The following C12orf42 variants were observed in gnomAD, a reference collection of about 807,000 sequenced individuals.
C12orf42 encodes uncharacterized protein C12orf42.
C12orf42 carries 25 observed loss-of-function variants against 21.6 expected under a neutral mutation model. That is an observed-to-expected ratio of 1.16 (90% CI 0.84 to 1.62). The LOEUF is 1.62. C12orf42 is among the 40% of genes most tolerant of loss of function. The pLI is 0.00. For missense variants in C12orf42, 483 were observed against 459.3 expected, an observed-to-expected ratio of 1.05 and a Z score of -0.47; for synonymous variants, 174 against 175.0, an observed-to-expected ratio of 0.99 and a Z score of 0.05.
At chr12:103,184,687 A>G in the C12orf42 span, among the ~76,000 whole-genome samples, 4 of 150,018 alleles carry the variant, frequency 2.7e-5, no homozygotes, top group Non-Finnish European at 5.9e-5. Context: ...TACACAAAAC[A>G]TAAGTACTAT....
chr12:103,118,160 T>C, the C12orf42 span, among the ~76,000 whole-genome samples: 2 of 152,172 alleles, frequency 1.3e-5, no homozygotes, highest in Non-Finnish European at 2.9e-5. Flanking sequence ...ACTACAATGA[T>C]CCTGTATGTG....
At chr12:103,206,438 T>C in the C12orf42 span, among the ~76,000 whole-genome samples, 2 of 152,122 alleles carry the variant, frequency 1.3e-5, no homozygotes, top group African/African-American at 4.8e-5. Context: ...TCCTGGAATA[T>C]TGGCAATGTT....
chr12:103,532,207 T>G, the C12orf42 span, among the ~76,000 whole-genome samples: 1 of 152,186 alleles, frequency 6.6e-6, no homozygotes, highest in African/African-American at 2.4e-5. Context: ...CCCTACACCC[T>G]GGGTATAAAA....
the C12orf42 span, among the ~76,000 whole-genome samples, chr12:103,528,233 G>T: frequency 2.0e-5 from 3 of 152,168 alleles, no homozygotes; most frequent in Non-Finnish European, 4.4e-5. Flanking sequence ...AGGAAGAGAA[G>T]ATGAAGACAT....
At chr12:103,118,666 T>C in the C12orf42 span, among the ~76,000 whole-genome samples, 1 of 143,914 alleles carries the variant, frequency 6.9e-6, no homozygotes, top group East Asian at 2.1e-4. Flanking sequence ...GGCGTGGTGG[T>C]GGGCGCCTGT....
the C12orf42 span, among the ~76,000 whole-genome samples, chr12:103,555,765 C>T: frequency 6.6e-6 from 1 of 151,818 alleles, no homozygotes; most frequent in Non-Finnish European, 1.5e-5. Flanking sequence ...AGAATTATAC[C>T]TCCAGAGAGC....
chr12:103,063,172 C>T, the C12orf42 span, among the ~76,000 whole-genome samples: 91 of 152,154 alleles, frequency 6.0e-4, no homozygotes, highest in South Asian at 2.5e-3. Context: ...GACAAAGTGA[C>T]GAAAGAAAAT....
chr12:103,182,667 T>C, the C12orf42 span, among the ~76,000 whole-genome samples: 1 of 152,234 alleles, frequency 6.6e-6, no homozygotes, highest in South Asian at 2.1e-4. Flanking sequence ...TCATATAAAT[T>C]TTTATTGAGA....
At chr12:103,334,016 C>T (rs2041471382) in intron 4 of C12orf42, among the ~76,000 whole-genome samples, 1 of 152,200 alleles carries the variant, frequency 6.6e-6, no homozygotes, top group African/African-American at 2.4e-5. Context: ...TGAGTGTGAA[C>T]AATTTTAGCT....
At chr12:103,325,590 G>A (rs947943218) in intron 4 of C12orf42, among the ~76,000 whole-genome samples, 1 of 152,156 alleles carries the variant, frequency 6.6e-6, no homozygotes, top group African/African-American at 2.4e-5. Context: ...AGCTGCCTTG[G>A]GACAAAGTTC....
intron 2 of C12orf42, among the ~76,000 whole-genome samples, chr12:103,415,035 A>G (rs1258457057): frequency 6.6e-6 from 1 of 152,114 alleles, no homozygotes; most frequent in African/African-American, 2.4e-5. Context: ...CTTACATGTA[A>G]CAACACCCGT....
the C12orf42 span, among the ~76,000 whole-genome samples, chr12:103,193,235 G>A: frequency 6.6e-6 from 1 of 150,554 alleles, no homozygotes; most frequent in East Asian, 1.9e-4. Flanking sequence ...TACAGCAAAA[G>A]CAATATTAAG....
At chr12:103,507,228 AAT>A in the C12orf42 span, among the ~76,000 whole-genome samples, 1,295 of 27,804 alleles carry the variant, frequency 0.047, 262 homozygotes, top group African/African-American at 0.35. Context: ...TATAAATATA[AAT>A]ATATATATAT....
chr12:103,259,367 C>T (rs1404637105), intron 10 of C12orf42, among the ~76,000 whole-genome samples: 1 of 152,178 alleles, frequency 6.6e-6, no homozygotes. Context: ...CAACTTCTGC[C>T]TCCCTGGTTG....
chr12:103,316,805 CTT>C (rs1221907990), intron 4 of C12orf42, among the ~76,000 whole-genome samples: 1 of 151,076 alleles, frequency 6.6e-6, no homozygotes, highest in Non-Finnish European at 1.5e-5. Context: ...TTCTCAAAAA[CTT>C]ATACTGGAAA....
At chr12:103,147,626 T>TC in the C12orf42 span, among the ~76,000 whole-genome samples, 1 of 142,842 alleles carries the variant, frequency 7.0e-6, no homozygotes, top group Non-Finnish European at 1.5e-5. Flanking sequence ...TCTCTCTCTT[T>TC]TTTTTTTTTT....
the C12orf42 span, among the ~76,000 whole-genome samples, chr12:103,057,958 G>A: frequency 1.3e-5 from 2 of 151,146 alleles, no homozygotes; most frequent in Admixed American, 6.6e-5. Context: ...CAGTGATAAT[G>A]AGCTTTTTTT....
the C12orf42 span, among the ~76,000 whole-genome samples, chr12:103,057,799 T>TA: frequency 2.6e-5 from 4 of 152,002 alleles, no homozygotes; most frequent in African/African-American, 9.7e-5. Context: ...AATGGTTGAC[T>TA]AATCTACACT....
At chr12:103,385,362 T>C (rs2046519769) in intron 3 of C12orf42, among the ~76,000 whole-genome samples, 1 of 152,214 alleles carries the variant, frequency 6.6e-6, no homozygotes, top group Admixed American at 6.5e-5. Flanking sequence ...TGGAACTGAA[T>C]ACCGTGTCAA....
Sources: allele counts gnomAD v4.1 joint callset (sites outside exome capture counted in the v4.1 genomes callset), GRCh38; gene constraint gnomAD v4.1.1; transcripts MANE v1.5; gene names NCBI Gene and HGNC (gene_info 2026-07-23, HGNC 2026-07-21).